UBA3: variants seen among roughly 807,000 people sequenced by gnomAD.
UBA3 encodes the protein NEDD8-activating enzyme E1 catalytic subunit.
Under a neutral mutation model 73.5 loss-of-function variants are expected in UBA3, and 26 were observed. The ratio of observed to expected loss-of-function variants is 0.35; its 90% CI spans 0.26 to 0.49. UBA3 has a LOEUF of 0.49. Among genes scored for constraint, UBA3 ranks in the 20% least tolerant of loss-of-function variants. The pLI, the probability that UBA3 is intolerant of heterozygous loss-of-function variation, is 0.98. For missense variants in UBA3, 495 were observed against 555.6 expected, an observed-to-expected ratio of 0.89 and a Z score of 1.10; for synonymous variants, 217 against 191.2, an observed-to-expected ratio of 1.13 and a Z score of -1.11.
At position 69,057,244 on chromosome 3, in the gene UBA3, T is replaced by G. The variant is rs1356492896; in HGVS notation, c.964+12A>C. 1 of 1,606,956 alleles carries G rather than the reference T, an allele frequency of 6.2e-7. No individual in the cohort carries two copies. The highest frequency in any genetic ancestry group is 1.3e-5 in the African/African-American group (1 of 74,652). On this transcript the variant is annotated intron_variant, in intron 12 of 17. Transcript: ENST00000361055. ...AGCAAAATAAACTAAGTGATGGCCT[T>G]TTCTTCCTCACCTGCAATGACTGCA...
intron 5 of UBA3, among the ~76,000 whole-genome samples, chr3:69,068,774 T>G (rs146357562): frequency 8.5e-5 from 13 of 152,278 alleles, no homozygotes; most frequent in African/African-American, 3.1e-4. Flanking sequence ...TTTTGCCATG[T>G]TGGTCAGGCT....
chr3:69,071,385 A>T, intron 5 of UBA3, 150 bp downstream of exon 5: 1 of 532,378 alleles, frequency 1.9e-6, no homozygotes, highest in Non-Finnish European at 3.3e-6. Context: ...ACAAAACTTT[A>T]CCTACAATGG....
chr3:69,070,849 T>C (rs1399032515), intron 5 of UBA3, among the ~76,000 whole-genome samples: 1 of 152,162 alleles, frequency 6.6e-6, no homozygotes, highest in Non-Finnish European at 1.5e-5. Flanking sequence ...TCTCCCTTTG[T>C]TGCCCAGGCT....
intron 14 of UBA3, 101 bp from the exon 15 acceptor site, chr3:69,056,384 T>C: frequency 2.8e-6 from 3 of 1,067,162 alleles, no homozygotes; most frequent in Non-Finnish European, 3.9e-6. Context: ...TAATCATGCA[T>C]ATTTCCTATA....
At chr3:69,076,769 T>C (rs1382496961) in intron 3 of UBA3, among the ~76,000 whole-genome samples, 1 of 151,928 alleles carries the variant, frequency 6.6e-6, no homozygotes, top group African/African-American at 2.4e-5. Context: ...TCTTTCTTTT[T>C]TTTTTTAGAG....
At chr3:69,062,361 A>C (rs9851078) in intron 9 of UBA3, among the ~76,000 whole-genome samples, 182 bp from the exon 10 acceptor site, 133,140 of 151,998 alleles carry the variant, frequency 0.88, 58,611 homozygotes, top group East Asian at 1. Flanking sequence ...CTTAGGCTGC[A>C]CTGCCTGTAA....
chr3:69,061,903 T>G lies in UBA3; in HGVS notation c.821A>C (p.Asp274Ala), dbSNP rs1419331218. 6.2e-7 allele frequency: 1 copy of G among 1,605,162 alleles called. No homozygotes were observed. Among genetic ancestry groups the G allele is most frequent in the Non-Finnish European group, 8.5e-7 (1 of 1,177,138 alleles). ...GAAAATCCATTGTATATGTTCAGGA[T>G]CATCTCCATCTAATGGAACCCCTTC... The part of the protein sequence containing the change: ...FGEGVPLDGD[D>A]PEHIQWIFQK... Residue 274 changes from aspartate to alanine, a missense_variant, in exon 11 of 18, where the codon GAT (aspartate) becomes GCT (alanine). Asp to Ala is a moderately radical substitution (Grantham distance 126, BLOSUM62 -2). Coordinates refer to ENST00000361055, the MANE Select transcript of UBA3 (RefSeq NM_003968.4).
At position 69,063,505 on chromosome 3, in the gene UBA3, TA is replaced by T; in HGVS notation, c.473-3del. 4 of 1,200,944 alleles carry T rather than the reference TA, an allele frequency of 3.3e-6. No homozygotes were observed. The highest frequency in any genetic ancestry group is 3.4e-6 in the Non-Finnish European group (3 of 886,870). 74.4% of individuals were successfully genotyped at this position (1,200,944 alleles called of 1,614,324 possible). A position where few individuals can be genotyped will look rare whatever the true frequency, so the allele number is the denominator to read the frequency against. Reference sequence around the variant, plus strand: ...GTCCACATACAATAATATGAAATTCTACAAAAAAAAAAAAAAGCAACTTTAG... The same window carrying T: ...GTCCACATACAATAATATGAAATTCTCAAAAAAAAAAAAAAGCAACTTTAG... On this transcript the variant is annotated splice_region_variant and splice_polypyrimidine_tract_variant and intron_variant, in intron 7 of 17. Coordinates refer to ENST00000361055, the MANE Select transcript of UBA3 (RefSeq NM_003968.4).
Position 69,062,118 on chromosome 3 carries a change from T to C in UBA3, c.755A>G (p.Tyr252Cys), listed in dbSNP as rs1046147697. The C allele has an allele frequency of 8.1e-6, 13 of 1,613,680 alleles. No individual in the cohort carries two copies. Among genetic ancestry groups the C allele is most frequent in the Non-Finnish European group, 1.1e-5 (13 of 1,179,714 alleles). Residue 252 changes from tyrosine to cysteine, a missense_variant, in exon 10 of 18, where the codon TAT (tyrosine) becomes TGT (cysteine). Transcript: ENST00000361055. ...MPRLPEHCIE[Y>C]VRMLQWPKEQ... Reference sequence around the variant, plus strand: ...CTTAGGCCACTGCAACATCCTTACATACTCAATACAGTGTTCTGGTAGCCT... The same window carrying C: ...CTTAGGCCACTGCAACATCCTTACACACTCAATACAGTGTTCTGGTAGCCT...
Position 69,075,422 on chromosome 3 carries a change from T to C in UBA3, c.264+8A>G, listed in dbSNP as rs747345528. 14 of 1,441,988 alleles carry C rather than the reference T, an allele frequency of 9.7e-6. No homozygotes were observed. Among genetic ancestry groups the C allele is most frequent in the East Asian group, 2.6e-5 (1 of 38,864 alleles). 89.3% of individuals were successfully genotyped at this position (1,441,988 alleles called of 1,614,324 possible). ...AAAAATATTTATATATATATGTATA[T>C]ATATTACCAGATTTTTCAGGAGCTC... is the stretch of plus-strand genomic sequence containing the variant. On this transcript the variant is annotated splice_region_variant and intron_variant, in intron 4 of 17. Coordinates refer to ENST00000361055, the MANE Select transcript of UBA3 (RefSeq NM_003968.4).
At position 69,062,972 on chromosome 3, in the gene UBA3, T is replaced by G; in HGVS notation, c.693+10A>C. 1 of 1,613,034 alleles carries G rather than the reference T, an allele frequency of 6.2e-7. No homozygotes were observed. The highest frequency in any genetic ancestry group is 8.5e-7 in the Non-Finnish European group (1 of 1,179,486). ...TACTATAAAAGAAATGCAGGTGCTT[T>G]TTTGATTACCTGTGGTGGATAAAGT... is the stretch of plus-strand genomic sequence containing the variant. On this transcript the variant is annotated intron_variant, in intron 9 of 17. Coordinates refer to ENST00000361055, the MANE Select transcript of UBA3 (RefSeq NM_003968.4).
chr3:69,064,151 T>G lies in UBA3; in HGVS notation c.429-40A>C, dbSNP rs549771226. The G allele has an allele frequency of 2.6e-6, 4 of 1,534,036 alleles. No individual in the cohort carries two copies. The African/African-American group carries it at 5.6e-5, about 21-fold the overall frequency. On this transcript the variant is annotated intron_variant, in intron 6 of 17. Transcript: ENST00000361055. ...AGGAACTTAAGCAGCTAAGTTTTAA[T>G]TTCTAAAATGAATTTGACAATGCCA...
intron 5 of UBA3, chr3:69,071,296 G>T: frequency 2.8e-6 from 1 of 351,790 alleles, no homozygotes. Flanking sequence ...ATAAACCTTT[G>T]GAAGGAGACT....
rs779625559 is a variant in UBA3 at position 69,064,114 on chromosome 3, G to T, written c.429-3C>A. On this transcript the variant is annotated splice_region_variant and splice_polypyrimidine_tract_variant and intron_variant, in intron 6 of 17. Coordinates refer to ENST00000361055, the MANE Select transcript of UBA3 (RefSeq NM_003968.4). ...AATCTTGAATCTTGTTGAAATGTCT[G>T]AATACAAGTAAAGGAACTTAAGCAG... 1 of 1,599,352 alleles carries T rather than the reference G, an allele frequency of 6.3e-7. No homozygotes were observed. The highest frequency in any genetic ancestry group is 1.8e-5 in the Admixed American group (1 of 56,994).
At chr3:69,061,499 G>C in intron 11 of UBA3, 1 of 192,408 alleles carries the variant, frequency 5.2e-6, no homozygotes, top group South Asian at 1.6e-4. Context: ...CTGACCTGAA[G>C]ACAATTTCTG....
At chr3:69,063,332 T>C in intron 8 of UBA3, 107 bp downstream of exon 8, 1 of 1,301,192 alleles carries the variant, frequency 7.7e-7, no homozygotes, top group Non-Finnish European at 1.1e-6. Flanking sequence ...ATATACTTAA[T>C]TAAAAATTAA....
Position 69,080,158 on chromosome 3 carries a change from AAGAG to A in UBA3, c.21-9_21-6del, listed in dbSNP as rs758801985. On this transcript the variant is annotated splice_region_variant and splice_polypyrimidine_tract_variant and intron_variant, in intron 1 of 17. Coordinates refer to ENST00000361055, the MANE Select transcript of UBA3 (RefSeq NM_003968.4). ...ATTCTCCTTCTTTTCTTCTCCCTAAAAGAGAGAATAAAAGAAGGGTCAGCATCGC... is the reference window on the plus strand; with the variant it reads ...ATTCTCCTTCTTTTCTTCTCCCTAAAAGAATAAAAGAAGGGTCAGCATCGC... 8 of 1,608,674 alleles carry A rather than the reference AAGAG, an allele frequency of 5.0e-6. No homozygotes were observed. The highest frequency in any genetic ancestry group is 1.1e-5 in the South Asian group (1 of 90,950).
At chr3:69,080,233 C>CG (rs1559649514) in intron 1 of UBA3, 80 bp from the exon 2 acceptor site, 28 of 557,168 alleles carry the variant, frequency 5.0e-5, no homozygotes, top group South Asian at 6.3e-5. Context: ...GGGGACGGGG[C>CG]GGGGGGTGTG....
intron 5 of UBA3, 66 bp from the exon 6 acceptor site, chr3:69,068,074 C>G: frequency 1.9e-6 from 2 of 1,079,780 alleles, no homozygotes; most frequent in Non-Finnish European, 2.6e-6. Context: ...AACTTATTTT[C>G]AAACATAAAA....
Sources: allele counts gnomAD v4.1 joint callset (sites outside exome capture counted in the v4.1 genomes callset), GRCh38; gene constraint gnomAD v4.1.1; transcripts MANE v1.5; gene names NCBI Gene and HGNC (gene_info 2026-07-23, HGNC 2026-07-21).